Variants in GULP1 observed in about 807,000 individuals in gnomAD.
GULP1 encodes the protein GULP PTB domain containing engulfment adaptor 1.
A neutral mutation model predicts 40.9 loss-of-function variants in GULP1; 19 were observed. The observed-to-expected ratio is 0.46, with a 90% CI of 0.32 to 0.68. The LOEUF (loss-of-function observed/expected upper bound fraction) is 0.68, where lower values mean the gene tolerates loss of function less well. GULP1 is among the 30% of genes least tolerant of loss of function. The probability of loss-of-function intolerance (pLI) is 0.03; values close to 1 mark genes in which losing one functional copy is unlikely to be tolerated. For synonymous variants in GULP1, 119 were observed against 117.6 expected, an observed-to-expected ratio of 1.01 and a Z score of -0.08; for missense variants, 312 against 362.2, an observed-to-expected ratio of 0.86 and a Z score of 1.12.
chr2:188,541,398 A>G (rs987962885), intron 7 of GULP1, 80 bp downstream of exon 7: 9 of 1,131,318 alleles, frequency 8.0e-6, no homozygotes, highest in Middle Eastern at 1.9e-4. Flanking sequence ...TTGGCAAAGT[A>G]TTTGAAAATG....
intron 2 of GULP1, among the ~76,000 whole-genome samples, chr2:188,474,659 A>T (rs2060860880): frequency 6.6e-6 from 1 of 152,116 alleles, no homozygotes; most frequent in Admixed American, 6.6e-5. Flanking sequence ...TTTCAGTGAT[A>T]CTGAGTTAAA....
intron 2 of GULP1, among the ~76,000 whole-genome samples, chr2:188,417,603 A>G (rs1290142809): frequency 2.0e-5 from 3 of 152,218 alleles, no homozygotes; most frequent in Non-Finnish European, 4.4e-5. Flanking sequence ...ATTCTCTTGT[A>G]AAAGATAAGT....
At chr2:188,377,952 G>A (rs191116428) in intron 1 of GULP1, among the ~76,000 whole-genome samples, 165 of 152,124 alleles carry the variant, frequency 1.1e-3, no homozygotes, top group Non-Finnish European at 1.9e-3. Context: ...TCCAGACAAA[G>A]TATTGTAATT....
chr2:188,354,047 G>A (rs1254198745), intron 1 of GULP1, among the ~76,000 whole-genome samples: 1 of 152,074 alleles, frequency 6.6e-6, no homozygotes, highest in Non-Finnish European at 1.5e-5. Context: ...GCCACCTAGA[G>A]CATGAGATAC....
chr2:188,498,734 T>C (rs2063139022), intron 4 of GULP1, among the ~76,000 whole-genome samples: 1 of 151,784 alleles, frequency 6.6e-6, no homozygotes, highest in Non-Finnish European at 1.5e-5. Flanking sequence ...GGATATTGAA[T>C]GTTCCCAACA....
chr2:188,548,811 G>A (rs536150059), intron 7 of GULP1, among the ~76,000 whole-genome samples: 3 of 147,748 alleles, frequency 2.0e-5, no homozygotes, highest in Non-Finnish European at 4.5e-5. Flanking sequence ...CAAAAGCAGT[G>A]CAATAGGGGA....
At chr2:188,333,561 CTAT>C (rs1295881139) in intron 1 of GULP1, among the ~76,000 whole-genome samples, 4 of 152,130 alleles carry the variant, frequency 2.6e-5, no homozygotes, top group African/African-American at 7.2e-5. Context: ...CCCCAAGAAA[CTAT>C]TAATCTTAGC....
At position 188,595,010 on chromosome 2, in the gene GULP1, G is replaced by C. The variant is rs914982076; in HGVS notation, c.*999G>C. ...CGTTCTACATGAATTATCAATATTT[G>C]GTAAATTCAATCTGTATTTGTTTTG... On this transcript the variant is annotated 3_prime_UTR_variant, in exon 12 of 12. Transcript: ENST00000409830. The C allele has an allele frequency of 1.3e-5, 2 of 149,282 alleles. No individual in the cohort carries two copies. The highest frequency in any genetic ancestry group is 4.9e-5 in the African/African-American group (2 of 40,682). The allele number at this position is 149,282 out of a possible 1,614,324, so 9.2% of individuals were successfully genotyped here.
At chr2:188,358,278 C>G (rs908403889) in intron 1 of GULP1, among the ~76,000 whole-genome samples, 2 of 152,050 alleles carry the variant, frequency 1.3e-5, no homozygotes, top group African/African-American at 4.8e-5. Context: ...TACTCGGAAG[C>G]TCAAAAAGTT....
intron 2 of GULP1, among the ~76,000 whole-genome samples, chr2:188,452,387 C>T (rs2152923494): frequency 6.6e-6 from 1 of 152,194 alleles, no homozygotes; most frequent in South Asian, 2.1e-4. Context: ...TATAAAAATG[C>T]AAAATAAAGA....
At chr2:188,374,188 A>G (rs2047996180) in intron 1 of GULP1, among the ~76,000 whole-genome samples, 1 of 152,140 alleles carries the variant, frequency 6.6e-6, no homozygotes, top group South Asian at 2.1e-4. Context: ...GAGTATCTGT[A>G]TCATTTTATA....
chr2:188,497,630 G>A (rs2063029030), intron 4 of GULP1, among the ~76,000 whole-genome samples: 1 of 151,890 alleles, frequency 6.6e-6, no homozygotes, highest in Non-Finnish European at 1.5e-5. Context: ...CAAAAGAGAT[G>A]AATATTTTAC....
chr2:188,339,857 T>C (rs1425463423), intron 1 of GULP1, among the ~76,000 whole-genome samples: 1 of 152,210 alleles, frequency 6.6e-6, no homozygotes, highest in African/African-American at 2.4e-5. Flanking sequence ...TCAGCATCCT[T>C]ATTTGTAAAA....
Position 188,292,513 on chromosome 2 carries a change from C to A in GULP1, c.-172+347C>A, listed in dbSNP as rs2033987263. Among the ~76,000 whole-genome samples, 1 of 152,086 alleles carries A rather than the reference C, an allele frequency of 6.6e-6. No homozygotes were observed. Among genetic ancestry groups the A allele is most frequent in the Non-Finnish European group, 1.5e-5 (1 of 68,012 alleles). ...CTTAGCCTTTTGTGGTAACTTTGGTCCGGCGGCGGGGGGCCGGTGAGCAGG... is the reference window on the plus strand; with the variant it reads ...CTTAGCCTTTTGTGGTAACTTTGGTACGGCGGCGGGGGGCCGGTGAGCAGG... On this transcript the variant is annotated intron_variant, in intron 1 of 11. Transcript: ENST00000409830. The surrounding 1 kb of genome is among the most constrained non-coding windows in gnomAD (Gnocchi z 4.0).
chr2:188,330,637 A>G (rs1287294678), intron 1 of GULP1, among the ~76,000 whole-genome samples: 1 of 152,244 alleles, frequency 6.6e-6, no homozygotes, highest in Non-Finnish European at 1.5e-5. Context: ...AATAAAAGGC[A>G]ATTTGCAATA....
At chr2:188,416,896 G>C (rs2054656057) in intron 2 of GULP1, among the ~76,000 whole-genome samples, 2 of 152,182 alleles carry the variant, frequency 1.3e-5, no homozygotes, top group South Asian at 4.1e-4. Context: ...TCATTCTGAA[G>C]TAAATGCCAT....
At chr2:188,583,738 T>C (rs1701791010) in intron 9 of GULP1, among the ~76,000 whole-genome samples, 1 of 152,162 alleles carries the variant, frequency 6.6e-6, no homozygotes, top group Admixed American at 6.5e-5. Flanking sequence ...TATCAGTTGG[T>C]TCCCATTGTT....
chr2:188,305,388 T>C (rs115700561), intron 1 of GULP1, among the ~76,000 whole-genome samples: 3,420 of 152,262 alleles, frequency 0.022, 137 homozygotes, highest in African/African-American at 0.078. Flanking sequence ...AGAAATGTGA[T>C]TGGACAAAGC....
intron 9 of GULP1, among the ~76,000 whole-genome samples, chr2:188,576,559 T>C (rs879868870): frequency 3.3e-5 from 5 of 152,180 alleles, no homozygotes; most frequent in Non-Finnish European, 7.4e-5. Flanking sequence ...TTCATGTATA[T>C]AAAATATTTT....
Sources: gnomAD v4.1 joint callset for allele counts (sites outside exome capture counted in the v4.1 genomes callset) on GRCh38, gnomAD v4.1.1 for gene constraint, Gnocchi (gnomAD v3.1) non-coding constraint, MANE v1.5 for transcripts, NCBI Gene and HGNC (gene_info 2026-07-23, HGNC 2026-07-21) for gene names.